RBFOX1: variants seen among roughly 807,000 people sequenced by gnomAD.
The protein encoded by RBFOX1 is RNA binding protein fox-1 homolog 1.
Under a neutral mutation model 57.7 loss-of-function variants are expected in RBFOX1, and 8 were observed. The ratio of observed to expected loss-of-function variants is 0.14; its 90% CI spans 0.08 to 0.25. The LOEUF is 0.25. RBFOX1 is among the 10% of genes least tolerant of loss of function. The pLI is 1.00. For synonymous variants in RBFOX1, 326 were observed against 222.4 expected, an observed-to-expected ratio of 1.47 and a Z score of -4.15; for missense variants, 611 against 548.5, an observed-to-expected ratio of 1.11 and a Z score of -1.14.
intron 1 of RBFOX1, among the ~76,000 whole-genome samples, chr16:6,091,583 A>G (rs1017352689): frequency 1.3e-5 from 2 of 152,188 alleles, no homozygotes; most frequent in African/African-American, 4.8e-5. Context: ...TAATCCCAGG[A>G]CTTTTGAAGG....
intron 1 of RBFOX1, among the ~76,000 whole-genome samples, chr16:6,289,659 G>A (rs938452756): frequency 6.6e-6 from 1 of 152,052 alleles, no homozygotes; most frequent in Non-Finnish European, 1.5e-5. Context: ...AAACATAGCT[G>A]GCCCTAGTAC....
rs555353602 is a variant in RBFOX1, at chr16:5,480,161, G to C, written c.258+12907G>C. On this transcript the variant is annotated intron_variant, in intron 2 of 2. Coordinates refer to the RBFOX1 transcript ENST00000585867. ...GATTCACAGAATGACTTGTGATCTA[G>C]GTTTTCTTTCATCCGGAGATGCATA... Among the ~76,000 whole-genome samples, 306 of 152,278 alleles carry C rather than the reference G, an allele frequency of 2.0e-3. 2 individuals carry two copies. Among genetic ancestry groups the C allele is most frequent in the African/African-American group, 7.0e-3 (292 of 41,560 alleles).
intron 4 of RBFOX1, among the ~76,000 whole-genome samples, chr16:7,093,400 G>A (rs958550931): frequency 6.6e-6 from 1 of 152,088 alleles, no homozygotes; most frequent in Admixed American, 6.6e-5. Context: ...TGTTTTTCTT[G>A]CATACCCAGC....
chr16:6,872,101 A>G (rs184788433), intron 3 of RBFOX1, among the ~76,000 whole-genome samples: 65 of 152,214 alleles, frequency 4.3e-4, no homozygotes, highest in African/African-American at 1.4e-3. Context: ...CATAATTGTA[A>G]TGGTACCTGT....
intron 4 of RBFOX1, among the ~76,000 whole-genome samples, chr16:7,442,787 C>T (rs1261935204): frequency 6.6e-6 from 1 of 152,194 alleles, no homozygotes. Context: ...CGTCGATCGT[C>T]ACCCACCAGA....
At chr16:6,179,198 G>A (rs1183994580) in intron 1 of RBFOX1, among the ~76,000 whole-genome samples, 2 of 152,168 alleles carry the variant, frequency 1.3e-5, no homozygotes, top group African/African-American at 2.4e-5. Flanking sequence ...CAGTGGAGAC[G>A]ACAGTGGGGC....
At chr16:6,557,004 T>C (rs202097764) in intron 2 of RBFOX1, among the ~76,000 whole-genome samples, 44 of 136,948 alleles carry the variant, frequency 3.2e-4, no homozygotes, top group Middle Eastern at 3.7e-3. Flanking sequence ...TACATATATA[T>C]ACATATATAT....
chr16:5,389,092 G>A (rs927414351), intron 1 of RBFOX1, among the ~76,000 whole-genome samples: 3 of 151,662 alleles, frequency 2.0e-5, no homozygotes, highest in Admixed American at 6.6e-5. Flanking sequence ...TCGGGAGGCT[G>A]AGGCAGGAGA....
intron 3 of RBFOX1, among the ~76,000 whole-genome samples, chr16:5,860,835 A>C (rs2057194641): frequency 6.6e-6 from 1 of 152,160 alleles, no homozygotes; most frequent in Non-Finnish European, 1.5e-5. Context: ...GGCCAGCAAA[A>C]AGAGGCCCTG....
chr16:6,030,412 C>G (rs2095271476), intron 1 of RBFOX1, among the ~76,000 whole-genome samples: 2 of 152,318 alleles, frequency 1.3e-5, no homozygotes, highest in South Asian at 4.1e-4. Context: ...AGTTCAGTCA[C>G]AGTAGTAAAT....
chr16:7,131,998 CTTTT>C (rs34879688), intron 4 of RBFOX1, among the ~76,000 whole-genome samples: 7 of 123,830 alleles, frequency 5.7e-5, no homozygotes, highest in Non-Finnish European at 6.8e-5. Context: ...TTTTTTCTTT[CTTTT>C]TTTTTTTTTT....
intron 4 of RBFOX1, among the ~76,000 whole-genome samples, chr16:7,342,094 A>T (rs1444234862): frequency 6.6e-6 from 1 of 152,140 alleles, no homozygotes; most frequent in Admixed American, 6.5e-5. Context: ...TTCCTGAGGC[A>T]GCACAGTTAA....
chr16:7,655,072 C>T (rs79595465), intron 12 of RBFOX1, among the ~76,000 whole-genome samples: 2,361 of 152,306 alleles, frequency 0.016, 58 homozygotes, highest in African/African-American at 0.054. Flanking sequence ...ATGCCCTTTT[C>T]ATAGCTCTGT....
At chr16:5,481,831 G>A (rs72774610) in intron 2 of RBFOX1, among the ~76,000 whole-genome samples, 1,801 of 152,214 alleles carry the variant, frequency 0.012, 21 homozygotes, top group Non-Finnish European at 0.019. Context: ...CCTTCTGACC[G>A]TGTCTCCACA....
chr16:6,347,248 T>C (rs894724117), intron 2 of RBFOX1, among the ~76,000 whole-genome samples: 3 of 152,142 alleles, frequency 2.0e-5, no homozygotes, highest in Non-Finnish European at 2.9e-5. Flanking sequence ...AGGGAAGTCA[T>C]GGTAATGTAG....
chr16:5,817,238 A>T (rs1437944617), intron 3 of RBFOX1, among the ~76,000 whole-genome samples: 1 of 152,072 alleles, frequency 6.6e-6, no homozygotes, highest in African/African-American at 2.4e-5. Flanking sequence ...CCATGTTTCT[A>T]TTACGGTAAT....
At chr16:7,013,925 T>C (rs1421465682) in intron 3 of RBFOX1, among the ~76,000 whole-genome samples, 1 of 152,142 alleles carries the variant, frequency 6.6e-6, no homozygotes, top group East Asian at 1.9e-4. Flanking sequence ...CCCAAAGGGC[T>C]GGGATTACAG....
rs745533700 is a variant in RBFOX1 at position 6,894,801 on chromosome 16, T to C, written c.-15-157256T>C. 8.5e-5 allele frequency among the ~76,000 whole-genome samples: 13 copies of C among 152,236 alleles called. 1 individual carries two copies. The highest frequency in any genetic ancestry group is 1.6e-4 in the Non-Finnish European group (11 of 68,048). On this transcript the variant is annotated intron_variant, in intron 3 of 15. Coordinates refer to ENST00000550418, the MANE Select transcript of RBFOX1 (RefSeq NM_018723.4). Reference sequence around the variant, plus strand: ...AAGCCATTTTCCCTGTGTTTGTAATTGTATTTTATCATTTTAGGTAGTAGT... The same window carrying C: ...AAGCCATTTTCCCTGTGTTTGTAATCGTATTTTATCATTTTAGGTAGTAGT...
At chr16:7,508,777 C>T (rs1411370093) in intron 4 of RBFOX1, among the ~76,000 whole-genome samples, 1 of 152,110 alleles carries the variant, frequency 6.6e-6, no homozygotes, top group Non-Finnish European at 1.5e-5. Flanking sequence ...GTCTCTTCCA[C>T]CCTCACCTCC....
Sources: allele counts gnomAD v4.1 joint callset (sites outside exome capture counted in the v4.1 genomes callset), GRCh38; gene constraint gnomAD v4.1.1; transcripts MANE v1.5; gene names NCBI Gene and HGNC (gene_info 2026-07-23, HGNC 2026-07-21).